Variants in TNK2 observed in about 807,000 individuals in gnomAD.
TNK2 encodes tyrosine kinase non receptor 2, also known as activated CDC42 kinase 1.
A neutral mutation model predicts 101.8 loss-of-function variants in TNK2; 83 were observed. That is an observed-to-expected ratio of 0.82 (90% confidence interval 0.68 to 0.98). The LOEUF is 0.98. Ranked by LOEUF, TNK2 falls within the 50% of genes least tolerant of loss-of-function variation. The pLI is 0.00. For missense variants in TNK2, 1,665 were observed against 1,483.2 expected, an observed-to-expected ratio of 1.12 and a Z score of -2.01; for synonymous variants, 804 against 633.0, an observed-to-expected ratio of 1.27 and a Z score of -4.06.
intron 1 of TNK2, among the ~76,000 whole-genome samples, chr3:195,902,818 C>T (rs904631174): frequency 1.3e-5 from 2 of 151,794 alleles, no homozygotes; most frequent in South Asian, 2.1e-4. Context: ...GGCGCAATCT[C>T]GGCTCGCTGC....
Position 195,892,819 on chromosome 3 carries a change from TCTCTCTCC to T in TNK2, c.-18-4221_-18-4214del, listed in dbSNP as rs1212968200. Reference sequence around the variant, plus strand: ...GGCCGCCCTCCCTCTTGCCTGCCTCTCTCTCTCCCTCTCTCCCTCCCTCCCCAGCTGAG... The same window carrying T: ...GGCCGCCCTCCCTCTTGCCTGCCTCTCTCTCTCCCTCCCTCCCCAGCTGAG... On this transcript the variant is annotated intron_variant, in intron 1 of 15. Transcript: ENST00000672887. 17 of 889,444 alleles carry T rather than the reference TCTCTCTCC, an allele frequency of 1.9e-5. No individual in the cohort carries two copies. The East Asian group carries it at 2.3e-4, about 12-fold the overall frequency. 55.1% of individuals were successfully genotyped at this position (889,444 alleles called of 1,614,324 possible).
rs1353930532 is a variant in TNK2, at chr3:195,888,111, TGAG to T, written c.163+312_163+314del. Among the ~76,000 whole-genome samples, 1 of 152,062 alleles carries T rather than the reference TGAG, an allele frequency of 6.6e-6. No individual in the cohort carries two copies. The highest frequency in any genetic ancestry group is 1.5e-5 in the Non-Finnish European group (1 of 68,012). On this transcript the variant is annotated intron_variant, in intron 2 of 15. Transcript: ENST00000672887. The surrounding 1 kb of genome is among the most constrained non-coding windows in gnomAD (Gnocchi z 5.3). ...ATGGACCCCCCGGTAGTCAGAATGATGAGAACAGACTCAATTCGATGCTTATGA... is the reference window on the plus strand; with the variant it reads ...ATGGACCCCCCGGTAGTCAGAATGATAACAGACTCAATTCGATGCTTATGA...
intron 9 of TNK2, chr3:195,872,805 G>T: frequency 3.7e-6 from 1 of 268,330 alleles, no homozygotes. Context: ...GGGACCCAAC[G>T]CCAGCTTTCA....
intron 9 of TNK2, among the ~76,000 whole-genome samples, chr3:195,873,901 C>G (rs1412762250): frequency 1.3e-5 from 2 of 152,202 alleles, no homozygotes; most frequent in Non-Finnish European, 2.9e-5. Context: ...ACTGGCCTGG[C>G]CCCACCACAC....
At chr3:195,874,086 G>A (rs1367111169) in intron 9 of TNK2, among the ~76,000 whole-genome samples, 1 of 152,204 alleles carries the variant, frequency 6.6e-6, no homozygotes, top group Admixed American at 6.5e-5. Flanking sequence ...GAGGAACCCC[G>A]GCACCGGCTG....
At chr3:195,901,816 C>G (rs1761236009) in intron 1 of TNK2, among the ~76,000 whole-genome samples, 2 of 152,220 alleles carry the variant, frequency 1.3e-5, no homozygotes. Flanking sequence ...GTAAAGCCAG[C>G]ATTCAGCCCA....
chr3:195,864,527 C>G (rs111478609), intron 15 of TNK2, among the ~76,000 whole-genome samples: 7,969 of 115,224 alleles, frequency 0.069, 285 homozygotes, highest in African/African-American at 0.1. Context: ...AGAACCACCC[C>G]AGACAGCGAC....
chr3:195,868,509 G>A lies in TNK2; in HGVS notation c.1789C>T (p.Leu597=), dbSNP rs752255928. 2.8e-5 allele frequency: 44 copies of A among 1,554,448 alleles called. No individual in the cohort carries two copies. In the Middle Eastern group the frequency reaches 1.1e-3, roughly 38 times the overall value. The change falls in exon 13 of 16, where the codon CTA becomes TTA. Residue 597 remains leucine, a synonymous_variant. Transcript: ENST00000672887. ...GCCAGGGAGGGCGCGCAGGGCCGTA[G>A]GGCCGGGACCACGGGCTCCTCACCG... ...DFGEEPVVPA[L]RPCAPSLAQL...
chr3:195,896,128 G>A (rs1337308937), intron 1 of TNK2: 2 of 455,512 alleles, frequency 4.4e-6, no homozygotes, highest in Non-Finnish European at 4.4e-6. Context: ...CCACGCGGGG[G>A]TGCCGCGCCC....
In TNK2 at chr3:195,887,995, CGT is replaced by C. The variant is rs1577089523; in HGVS notation, c.163+429_163+430del. 3.3e-5 allele frequency among the ~76,000 whole-genome samples: 5 copies of C among 151,538 alleles called. No homozygotes were observed. In the East Asian group the frequency reaches 7.8e-4, roughly 24 times the overall value. On this transcript the variant is annotated intron_variant, in intron 2 of 15. Coordinates refer to ENST00000672887, the MANE Select transcript of TNK2 (RefSeq NM_001382273.1). Reference sequence around the variant, plus strand: ...GTGTGTATGCCTGTGCGTGTGCATGCGTGTGTGCGTGTGAGAGAGCAAGAAAG... The same window carrying C: ...GTGTGTATGCCTGTGCGTGTGCATGCGTGTGCGTGTGAGAGAGCAAGAAAG...
intron 6 of TNK2, among the ~76,000 whole-genome samples, chr3:195,880,738 T>C (rs1333417232): frequency 6.0e-5 from 2 of 33,492 alleles, no homozygotes; most frequent in Non-Finnish European, 5.1e-5. Flanking sequence ...CAATGCCCCT[T>C]GGAGAGGACA....
chr3:195,895,673 C>T, intron 1 of TNK2: 1 of 1,125,018 alleles, frequency 8.9e-7, no homozygotes, highest in Non-Finnish European at 1.1e-6. Context: ...CTCCACTCAG[C>T]CCTCAGCCCG....
Position 195,885,129 on chromosome 3 carries a change from C to A in TNK2, c.235-96G>T. 7.6e-7 allele frequency: 1 copy of A among 1,312,192 alleles called. No homozygotes were observed. Among genetic ancestry groups the A allele is most frequent in the East Asian group, 2.5e-5 (1 of 39,836 alleles). 81.3% of individuals were successfully genotyped at this position (1,312,192 alleles called of 1,614,324 possible). A position where few individuals can be genotyped will look rare whatever the true frequency, so the allele number is the denominator to read the frequency against. On this transcript the variant is annotated intron_variant, in intron 3 of 15. Transcript: ENST00000672887. This position sits in a 1 kb window ranked among gnomAD's most constrained non-coding sequence, Gnocchi z 4.7. The stretch of plus-strand genomic sequence containing the variant: ...GGGTCCACCTGGTGATCCCCGGCTT[C>A]GGCTTCCAGATAGGTCCTGGTTTTG...
At position 195,885,327 on chromosome 3, in the gene TNK2, A is replaced by G; in HGVS notation, c.235-294T>C. 2.2e-6 allele frequency: 3 copies of G among 1,382,108 alleles called. No individual in the cohort carries two copies. The South Asian group carries it at 4.3e-5, about 20-fold the overall frequency. The allele number at this position is 1,382,108 out of a possible 1,614,324, so 85.6% of individuals were successfully genotyped here. ...ACCCAGCTGTGTGGAGAGGGAGGGCACCGCCCAGCCAAGGTCGGAGTCTCC... is the reference window on the plus strand; with the variant it reads ...ACCCAGCTGTGTGGAGAGGGAGGGCGCCGCCCAGCCAAGGTCGGAGTCTCC... On this transcript the variant is annotated intron_variant, in intron 3 of 15. Transcript: ENST00000672887. This position sits in a 1 kb window ranked among gnomAD's most constrained non-coding sequence, Gnocchi z 4.7.
chr3:195,883,824 G>C (rs983946401), intron 4 of TNK2: 1 of 153,332 alleles, frequency 6.5e-6, no homozygotes, highest in Admixed American at 6.4e-5. Context: ...ATATTGCTCA[G>C]GCTGGTCATA....
intron 10 of TNK2, 25 bp from the exon 11 acceptor site, chr3:195,870,230 G>T: frequency 6.2e-7 from 1 of 1,602,716 alleles, no homozygotes; most frequent in South Asian, 1.1e-5. Flanking sequence ...GCTGGGTCAA[G>T]AGAGCAGGGG....
intron 1 of TNK2, among the ~76,000 whole-genome samples, chr3:195,903,631 C>T (rs1353372954): frequency 2.0e-5 from 3 of 152,046 alleles, no homozygotes; most frequent in Non-Finnish European, 4.4e-5. Context: ...GCAGGAGAAT[C>T]GCTTGAACCC....
intron 10 of TNK2, among the ~76,000 whole-genome samples, chr3:195,871,216 C>T (rs1490841334): frequency 6.6e-6 from 1 of 152,072 alleles, no homozygotes; most frequent in African/African-American, 2.4e-5. Context: ...GGGGTGGCAT[C>T]CCGGAAGTGA....
chr3:195,888,328 G>T lies in TNK2; in HGVS notation c.163+98C>A. On this transcript the variant is annotated intron_variant, in intron 2 of 15. Coordinates refer to ENST00000672887, the MANE Select transcript of TNK2 (RefSeq NM_001382273.1). This position sits in a 1 kb window ranked among gnomAD's most constrained non-coding sequence, Gnocchi z 5.3. ...CCCTCCTGCTCCCTCAGGGCTCTGGGACAGAGTTCTCAGCTGCCACCCGTG... is the reference window on the plus strand; with the variant it reads ...CCCTCCTGCTCCCTCAGGGCTCTGGTACAGAGTTCTCAGCTGCCACCCGTG... The T allele has an allele frequency of 7.4e-7, 1 of 1,349,602 alleles. No individual in the cohort carries two copies. Among genetic ancestry groups the T allele is most frequent in the Non-Finnish European group, 1.0e-6 (1 of 967,330 alleles). 83.6% of individuals were successfully genotyped at this position (1,349,602 alleles called of 1,614,324 possible).
Sources: allele counts gnomAD v4.1 joint callset (sites outside exome capture counted in the v4.1 genomes callset), GRCh38; gene constraint gnomAD v4.1.1; non-coding constraint Gnocchi (gnomAD v3.1); transcripts MANE v1.5; gene names NCBI Gene and HGNC (gene_info 2026-07-23, HGNC 2026-07-21).